Variants in LRMDA observed in about 807,000 individuals in gnomAD.
LRMDA encodes the protein leucine-rich melanocyte differentiation-associated protein.
In LRMDA, 18 loss-of-function variants were observed where a neutral mutation model predicts 29.8. The ratio of observed to expected loss-of-function variants is 0.60; its 90% confidence interval spans 0.42 to 0.90. The LOEUF (loss-of-function observed/expected upper bound fraction) is 0.90. Among genes scored for constraint, LRMDA ranks in the 40% least tolerant of loss-of-function variants. The pLI, the probability that LRMDA is intolerant of heterozygous loss-of-function variation, is 0.00. For missense variants in LRMDA, 273 were observed against 273.9 expected, an observed-to-expected ratio of 1.00 and a Z score of 0.02; for synonymous variants, 125 against 109.4, an observed-to-expected ratio of 1.14 and a Z score of -0.89.
intron 2 of LRMDA, among the ~76,000 whole-genome samples, chr10:75,564,086 C>T (rs921555115): frequency 1.3e-5 from 2 of 152,234 alleles, no homozygotes; most frequent in African/African-American, 4.8e-5. Context: ...ACATTTAAGT[C>T]TGCAGAGGTT....
intron 2 of LRMDA, among the ~76,000 whole-genome samples, chr10:75,880,349 C>T (rs1301891050): frequency 6.6e-6 from 1 of 152,146 alleles, no homozygotes; most frequent in Non-Finnish European, 1.5e-5. Flanking sequence ...ATAAGGAGTA[C>T]TAAAAGGTCA....
chr10:76,454,352 A>C (rs1030613260), intron 6 of LRMDA, among the ~76,000 whole-genome samples: 4 of 152,140 alleles, frequency 2.6e-5, no homozygotes, highest in African/African-American at 9.7e-5. Context: ...TGAAAGTAGC[A>C]GTGTCTGCAT....
intron 2 of LRMDA, among the ~76,000 whole-genome samples, chr10:75,621,235 C>A (rs1211047572): frequency 6.7e-6 from 1 of 148,426 alleles, no homozygotes; most frequent in Non-Finnish European, 1.5e-5. Flanking sequence ...CCCACACACC[C>A]ACACACACAC....
intron 6 of LRMDA, among the ~76,000 whole-genome samples, chr10:76,476,421 CA>C (rs1233340772): frequency 1.3e-5 from 2 of 151,864 alleles, no homozygotes; most frequent in East Asian, 1.9e-4. Flanking sequence ...GCTTACCAAC[CA>C]AAAAAAGTCC....
intron 6 of LRMDA, among the ~76,000 whole-genome samples, chr10:76,354,939 G>A (rs1277685868): frequency 1.3e-5 from 2 of 152,106 alleles, no homozygotes; most frequent in African/African-American, 4.8e-5. Context: ...CCCGTAACCA[G>A]CCTCTCTTCA....
At chr10:76,251,218 C>T (rs1852473542) in intron 5 of LRMDA, among the ~76,000 whole-genome samples, 1 of 143,224 alleles carries the variant, frequency 7.0e-6, no homozygotes, top group Admixed American at 7.0e-5. Context: ...GGTTATCTCC[C>T]GTCGCTTCTT....
chr10:75,782,677 A>C, intron 2 of LRMDA: 1 of 1,120,170 alleles, frequency 8.9e-7, no homozygotes, highest in East Asian at 4.7e-5. Flanking sequence ...CTGCCGGTGC[A>C]GTTCCAAGTA....
intron 2 of LRMDA, among the ~76,000 whole-genome samples, chr10:75,722,585 C>G (rs1842581750): frequency 6.6e-6 from 1 of 152,020 alleles, no homozygotes; most frequent in Non-Finnish European, 1.5e-5. Context: ...GTTGTGTTAC[C>G]CTGAGAAGCA....
intron 2 of LRMDA, among the ~76,000 whole-genome samples, chr10:75,841,033 G>A (rs1422880624): frequency 2.6e-5 from 4 of 152,178 alleles, no homozygotes; most frequent in Non-Finnish European, 4.4e-5. Flanking sequence ...AGGGCTTTGT[G>A]ACAGTGCTCA....
chr10:76,294,037 C>T (rs980180746), intron 5 of LRMDA, among the ~76,000 whole-genome samples: 5 of 152,166 alleles, frequency 3.3e-5, no homozygotes, highest in African/African-American at 9.7e-5. Context: ...TACACTTTCC[C>T]ACTCCACTGG....
At chr10:76,341,534 A>G (rs1841041661) in intron 6 of LRMDA, among the ~76,000 whole-genome samples, 1 of 152,204 alleles carries the variant, frequency 6.6e-6, no homozygotes, top group Non-Finnish European at 1.5e-5. Context: ...ACGGCTGTGT[A>G]ACAAATTACC....
intron 6 of LRMDA, among the ~76,000 whole-genome samples, chr10:76,486,725 A>G (rs1317290459): frequency 6.6e-6 from 1 of 151,594 alleles, no homozygotes; most frequent in East Asian, 2.0e-4. Context: ...CCACCTCCCC[A>G]CTCTTTGGAC....
chr10:75,915,906 G>A (rs2132382547), intron 2 of LRMDA, among the ~76,000 whole-genome samples: 1 of 152,300 alleles, frequency 6.6e-6, no homozygotes, highest in South Asian at 2.1e-4. Flanking sequence ...CTTAATGAGG[G>A]AGTGGTCCTA....
chr10:75,540,181 G>A (rs1213186223), intron 2 of LRMDA, among the ~76,000 whole-genome samples: 3 of 152,170 alleles, frequency 2.0e-5, no homozygotes, highest in South Asian at 4.1e-4. Flanking sequence ...ATTTTAGGTA[G>A]AGATGTCAGG....
intron 2 of LRMDA, among the ~76,000 whole-genome samples, chr10:75,690,622 C>G (rs1026701172): frequency 1.3e-5 from 2 of 151,950 alleles, no homozygotes; most frequent in Admixed American, 1.3e-4. Context: ...GCACAGGTCT[C>G]CTAACTTTCA....
chr10:75,553,958 A>G (rs188710808), intron 2 of LRMDA, among the ~76,000 whole-genome samples: 2 of 152,310 alleles, frequency 1.3e-5, no homozygotes, highest in East Asian at 1.9e-4. Flanking sequence ...CATATCCAAC[A>G]TTAAAAAATT....
At chr10:75,479,491 A>C (rs1844833593) in intron 2 of LRMDA, among the ~76,000 whole-genome samples, 1 of 140,114 alleles carries the variant, frequency 7.1e-6, no homozygotes, top group South Asian at 2.4e-4. Flanking sequence ...TGGGCAACAG[A>C]GTGAGACTCT....
At chr10:75,711,431 A>AT (rs1488875831) in intron 2 of LRMDA, among the ~76,000 whole-genome samples, 3 of 152,234 alleles carry the variant, frequency 2.0e-5, no homozygotes, top group Non-Finnish European at 2.9e-5. Context: ...AGGTATAATT[A>AT]TCACTAGTTA....
At chr10:75,624,677 G>A (rs1841229523) in intron 2 of LRMDA, among the ~76,000 whole-genome samples, 3 of 152,094 alleles carry the variant, frequency 2.0e-5, no homozygotes. Flanking sequence ...AGCTGGAGTT[G>A]TTTATAAAAT....
Sources: allele counts gnomAD v4.1 joint callset (sites outside exome capture counted in the v4.1 genomes callset), GRCh38; gene constraint gnomAD v4.1.1; transcripts MANE v1.5; gene names NCBI Gene and HGNC (gene_info 2026-07-23, HGNC 2026-07-21).